PLD5: variants seen among roughly 807,000 people sequenced by gnomAD.
PLD5 encodes inactive phospholipase D5.
PLD5 carries 36 observed loss-of-function variants against 61.1 expected under a neutral mutation model. That is an observed-to-expected ratio of 0.59 (90% CI 0.45 to 0.78). The LOEUF is 0.78. Among genes scored for constraint, PLD5 ranks in the 30% least tolerant of loss-of-function variants. The pLI, the probability that PLD5 is intolerant of heterozygous loss-of-function variation, is 0.00. For missense variants in PLD5, 515 were observed against 644.4 expected (o/e 0.80, Z 2.17); for synonymous variants, 243 against 242.8 (o/e 1.00, Z -0.01).
Position 242,120,575 on chromosome 1 carries a change from A to G in PLD5, c.933+3893T>C, listed in dbSNP as rs1051910808. Among the ~76,000 whole-genome samples the G allele has an allele frequency of 2.0e-5, 3 of 152,230 alleles. 1 individual carries two copies. Among genetic ancestry groups the G allele is most frequent in the African/African-American group, 7.2e-5 (3 of 41,468 alleles). ...GAGGAATGTGATGCAGGATTTTTCCATAGCAGCATCAAGTTCTATTTAATG... is the reference window on the plus strand; with the variant it reads ...GAGGAATGTGATGCAGGATTTTTCCGTAGCAGCATCAAGTTCTATTTAATG... On this transcript the variant is annotated intron_variant, in intron 6 of 9. Coordinates refer to ENST00000536534, the MANE Select transcript of PLD5 (RefSeq NM_001372062.1).
chr1:242,155,788 A>C (rs1168623876), intron 5 of PLD5, among the ~76,000 whole-genome samples: 1 of 152,122 alleles, frequency 6.6e-6, no homozygotes, highest in African/African-American at 2.4e-5. Flanking sequence ...TCAATTTTAG[A>C]ATAAGTGCGA....
chr1:242,246,402 G>A (rs1417916328), intron 4 of PLD5, among the ~76,000 whole-genome samples: 1 of 151,386 alleles, frequency 6.6e-6, no homozygotes, highest in East Asian at 1.9e-4. Flanking sequence ...GGTCACACAA[G>A]TGACAAAGCC....
chr1:242,123,247 G>C (rs1458375577), intron 6 of PLD5, among the ~76,000 whole-genome samples: 2 of 152,168 alleles, frequency 1.3e-5, no homozygotes, highest in Non-Finnish European at 2.9e-5. Context: ...GAGTTAAGTT[G>C]CTATGGCTTA....
At chr1:242,495,190 C>G (rs1280773998) in intron 1 of PLD5, among the ~76,000 whole-genome samples, 1 of 152,084 alleles carries the variant, frequency 6.6e-6, no homozygotes, top group African/African-American at 2.4e-5. Flanking sequence ...CCTTCATTGT[C>G]TAATTGACAA....
chr1:242,485,041 G>A (rs1422446494), intron 1 of PLD5, among the ~76,000 whole-genome samples: 4 of 152,018 alleles, frequency 2.6e-5, no homozygotes, highest in African/African-American at 7.3e-5. Flanking sequence ...AATAAATTAG[G>A]TATTGATGGG....
chr1:242,176,010 C>T (rs2148889553), intron 5 of PLD5, among the ~76,000 whole-genome samples: 1 of 152,260 alleles, frequency 6.6e-6, no homozygotes, highest in African/African-American at 2.4e-5. Context: ...GCCATACTGC[C>T]CAAAGTAATT....
chr1:242,128,549 C>T (rs1269384450), intron 5 of PLD5, among the ~76,000 whole-genome samples: 3 of 152,062 alleles, frequency 2.0e-5, no homozygotes, highest in Non-Finnish European at 4.4e-5. Flanking sequence ...CTGTTGAAGA[C>T]GAAAATCAAG....
intron 1 of PLD5, among the ~76,000 whole-genome samples, chr1:242,437,492 T>C (rs772675536): frequency 2.6e-5 from 4 of 151,406 alleles, no homozygotes; most frequent in Non-Finnish European, 5.9e-5. Context: ...AGGTCAGGAG[T>C]TCAAGACCAG....
chr1:242,296,233 C>CT (rs1214431151), intron 2 of PLD5, among the ~76,000 whole-genome samples: 17 of 152,144 alleles, frequency 1.1e-4, no homozygotes, highest in Non-Finnish European at 1.8e-4. Flanking sequence ...ACTTTGACCA[C>CT]TTTTTTCTTG....
At chr1:242,343,634 GA>G (rs1365537429) in intron 2 of PLD5, among the ~76,000 whole-genome samples, 1 of 151,490 alleles carries the variant, frequency 6.6e-6, no homozygotes, top group Non-Finnish European at 1.5e-5. Flanking sequence ...GAGGAATGTA[GA>G]ACTGAACAAC....
chr1:242,514,916 A>G (rs1219726525), intron 1 of PLD5, among the ~76,000 whole-genome samples: 2 of 152,226 alleles, frequency 1.3e-5, no homozygotes, highest in Non-Finnish European at 2.9e-5. Context: ...AGAGGACAGG[A>G]GAAGCATAGA....
At chr1:242,193,219 T>A (rs1174406850) in intron 5 of PLD5, among the ~76,000 whole-genome samples, 1 of 152,000 alleles carries the variant, frequency 6.6e-6, no homozygotes, top group Admixed American at 6.5e-5. Flanking sequence ...TAGTTTGCTC[T>A]CCAATGTCTG....
intron 5 of PLD5, among the ~76,000 whole-genome samples, chr1:242,163,395 G>A (rs371473742): frequency 6.6e-6 from 1 of 151,692 alleles, no homozygotes; most frequent in South Asian, 2.1e-4. Flanking sequence ...CAGCTGCCTC[G>A]GCCTCCCAAA....
chr1:242,520,408 C>T (rs1409015575), intron 1 of PLD5, among the ~76,000 whole-genome samples: 2 of 152,168 alleles, frequency 1.3e-5, no homozygotes, highest in African/African-American at 4.8e-5. Flanking sequence ...TTCATCATGG[C>T]AAACCAGCGA....
At chr1:242,512,146 T>A (rs763725798) in intron 1 of PLD5, among the ~76,000 whole-genome samples, 46 of 151,612 alleles carry the variant, frequency 3.0e-4, no homozygotes, top group Non-Finnish European at 5.2e-4. Flanking sequence ...GTGCGGTGGT[T>A]CACGCCTGTA....
At chr1:242,243,307 CCTT>C (rs1364107205) in intron 4 of PLD5, among the ~76,000 whole-genome samples, 2 of 152,214 alleles carry the variant, frequency 1.3e-5, no homozygotes, top group Non-Finnish European at 2.9e-5. Flanking sequence ...GTGTACAACT[CCTT>C]CTTGGAACTC....
intron 1 of PLD5, among the ~76,000 whole-genome samples, chr1:242,415,394 T>C (rs1383054647): frequency 1.3e-5 from 2 of 152,124 alleles, no homozygotes; most frequent in Non-Finnish European, 2.9e-5. Context: ...AGAGAGGATG[T>C]ACCTACCCCT....
At chr1:242,512,237 T>C (rs149418023) in intron 1 of PLD5, among the ~76,000 whole-genome samples, 5,219 of 148,910 alleles carry the variant, frequency 0.035, 121 homozygotes, top group Middle Eastern at 0.11. Flanking sequence ...CGGTGAAACC[T>C]CGTCTCTACT....
At chr1:242,367,340 A>G (rs1475701097) in intron 1 of PLD5, among the ~76,000 whole-genome samples, 3 of 152,288 alleles carry the variant, frequency 2.0e-5, no homozygotes, top group East Asian at 3.9e-4. Flanking sequence ...CAACAGAGAG[A>G]CAGAAATGGA....
Sources: allele counts gnomAD v4.1 joint callset (sites outside exome capture counted in the v4.1 genomes callset), GRCh38; gene constraint gnomAD v4.1.1; transcripts MANE v1.5; gene names NCBI Gene and HGNC (gene_info 2026-07-23, HGNC 2026-07-21).